ENOX1: variants seen among roughly 807,000 people sequenced by gnomAD.
ENOX1 encodes the protein ecto-NOX disulfide-thiol exchanger 1.
A neutral mutation model predicts 82.5 loss-of-function variants in ENOX1; 42 were observed. That is an observed-to-expected ratio of 0.51 (90% confidence interval 0.40 to 0.66). The LOEUF (loss-of-function observed/expected upper bound fraction) is 0.66, where lower values mean the gene tolerates loss of function less well. Ranked by LOEUF, ENOX1 falls within the 30% of genes least tolerant of loss-of-function variation. The pLI is 0.00. For missense variants in ENOX1, 608 were observed against 811.6 expected (o/e 0.75, Z 3.05); for synonymous variants, 271 against 282.2 (o/e 0.96, Z 0.40).
At chr13:43,228,937 G>A (rs965717868) in intron 15 of ENOX1, among the ~76,000 whole-genome samples, 11 of 152,222 alleles carry the variant, frequency 7.2e-5, no homozygotes, top group African/African-American at 2.2e-4. Context: ...TACACAAAGC[G>A]ATTGATGTGG....
intron 1 of ENOX1, among the ~76,000 whole-genome samples, chr13:43,698,570 A>G (rs1247046346): frequency 6.6e-6 from 1 of 152,200 alleles, no homozygotes; most frequent in Non-Finnish European, 1.5e-5. Context: ...TTAAAATACT[A>G]CAATTTTAAC....
intron 2 of ENOX1, among the ~76,000 whole-genome samples, chr13:43,655,367 G>A (rs1018658423): frequency 6.6e-6 from 1 of 151,952 alleles, no homozygotes; most frequent in African/African-American, 2.4e-5. Context: ...GTTTTTTTTG[G>A]ACTGTTAAAT....
Position 43,412,049 on chromosome 13 carries a change from G to C in ENOX1, c.75C>G (p.Ala25=), listed in dbSNP as rs758121848. The C allele has an allele frequency of 1.4e-5, 22 of 1,613,042 alleles. No individual in the cohort carries two copies. Among genetic ancestry groups the C allele is most frequent in the East Asian group, 6.7e-5 (3 of 44,866 alleles). The change falls in exon 5 of 17, where the codon GCC becomes GCG. Residue 25 remains alanine, a synonymous_variant. Coordinates refer to ENST00000690772, the MANE Select transcript of ENOX1 (RefSeq NM_001347969.2). ...CTATCGCTATACTCCCCAAACCATC[G>C]GCTGCTGTGGGGAAAAACAAACCAT... ...QELPQMMAAA[A]DGLGSIAIDT...
intron 5 of ENOX1, among the ~76,000 whole-genome samples, chr13:43,393,727 T>C (rs1341318560): frequency 6.6e-6 from 1 of 152,220 alleles, no homozygotes; most frequent in African/African-American, 2.4e-5. Flanking sequence ...ACTCTATGAA[T>C]GTAAAGAAAT....
At chr13:43,590,195 T>C (rs982615251) in intron 2 of ENOX1, among the ~76,000 whole-genome samples, 2 of 151,692 alleles carry the variant, frequency 1.3e-5, no homozygotes, top group Non-Finnish European at 2.9e-5. Flanking sequence ...AAGAAAGCTT[T>C]TGAAACAAAA....
chr13:43,553,006 G>C (rs1027154286), intron 2 of ENOX1, among the ~76,000 whole-genome samples: 1 of 152,018 alleles, frequency 6.6e-6, no homozygotes, highest in Admixed American at 6.6e-5. Flanking sequence ...TGAAGAGGAA[G>C]AGGAGGTAAT....
In ENOX1 at chr13:43,361,520, T is replaced by C. The variant is rs1594142026; in HGVS notation, c.209-68A>G. On this transcript the variant is annotated intron_variant, in intron 5 of 16. Transcript: ENST00000690772. ...CATTTTTGTTGTTGTTTTTGCCATT[T>C]TCCTGTGGATTATTTGACTTTATAC... 2.8e-6 allele frequency: 4 copies of C among 1,431,626 alleles called. No individual in the cohort carries two copies. The Middle Eastern group carries it at 7.2e-4, about 258-fold the overall frequency. 88.7% of individuals were successfully genotyped at this position (1,431,626 alleles called of 1,614,324 possible).
In ENOX1 at chr13:43,705,322, C is replaced by CTA. The variant is rs1484111358; in HGVS notation, c.-284-37779_-284-37778insTA. The stretch of plus-strand genomic sequence containing the variant: ...AAACAACAACTCTCTCTCTCTCTCT[C>CTA]TCTCTCTCTATATATATATATATTT... On this transcript the variant is annotated intron_variant, in intron 1 of 16. Transcript: ENST00000690772. Among the ~76,000 whole-genome samples the CTA allele has an allele frequency of 2.2e-4, 6 of 27,476 alleles. No homozygotes were observed. The Admixed American group carries it at 2.4e-3, about 11-fold the overall frequency. 18.0% of individuals were successfully genotyped at this position (27,476 alleles called of 152,430 possible).
chr13:43,681,686 A>AACACACACACACAC (rs3044219), intron 1 of ENOX1, among the ~76,000 whole-genome samples: 2 of 135,344 alleles, frequency 1.5e-5, no homozygotes, highest in East Asian at 2.2e-4. Flanking sequence ...ATAATGCATA[A>AACACACACACACAC]ACACACACAC....
chr13:43,225,490 G>A (rs1404181870), intron 15 of ENOX1, among the ~76,000 whole-genome samples: 1 of 152,220 alleles, frequency 6.6e-6, no homozygotes, highest in African/African-American at 2.4e-5. Flanking sequence ...AAAGTTTCAA[G>A]ATGAATTAAA....
chr13:43,682,290 G>A (rs1420112409), intron 1 of ENOX1, among the ~76,000 whole-genome samples: 2 of 152,068 alleles, frequency 1.3e-5, no homozygotes, highest in African/African-American at 2.4e-5. Flanking sequence ...TGTGACTAAA[G>A]GAAAGGTTTT....
chr13:43,641,690 G>T (rs2083662245), intron 2 of ENOX1, among the ~76,000 whole-genome samples: 1 of 151,528 alleles, frequency 6.6e-6, no homozygotes, highest in Non-Finnish European at 1.5e-5. Flanking sequence ...CCGCCACCAT[G>T]TCCGGCTAAT....
At chr13:43,513,073 C>T (rs1448847464) in intron 2 of ENOX1, among the ~76,000 whole-genome samples, 1 of 152,004 alleles carries the variant, frequency 6.6e-6, no homozygotes, top group Non-Finnish European at 1.5e-5. Context: ...CTTTGGGAGG[C>T]CAAGGCAAGC....
chr13:43,713,268 T>C (rs546114475), intron 1 of ENOX1, among the ~76,000 whole-genome samples: 62 of 152,384 alleles, frequency 4.1e-4, no homozygotes, highest in African/African-American at 1.3e-3. Flanking sequence ...GAAGCCCACT[T>C]GATCATGGTG....
chr13:43,567,390 C>A (rs367721020), intron 2 of ENOX1, among the ~76,000 whole-genome samples: 1 of 152,082 alleles, frequency 6.6e-6, no homozygotes, highest in Non-Finnish European at 1.5e-5. Context: ...CCAGTGAGTT[C>A]TATCACTCTC....
intron 1 of ENOX1, among the ~76,000 whole-genome samples, chr13:43,713,597 T>C (rs1163017349): frequency 6.6e-6 from 1 of 152,218 alleles, no homozygotes; most frequent in Non-Finnish European, 1.5e-5. Context: ...CAGAGTCTGT[T>C]ATTGGTCTAT....
intron 1 of ENOX1, among the ~76,000 whole-genome samples, chr13:43,688,852 A>G (rs140057077): frequency 1.3e-5 from 2 of 152,328 alleles, no homozygotes; most frequent in East Asian, 3.9e-4. Flanking sequence ...TGTGTCTAAT[A>G]AGCAGTTAGA....
chr13:43,454,870 C>T (rs1208696162), intron 3 of ENOX1, among the ~76,000 whole-genome samples: 1 of 151,302 alleles, frequency 6.6e-6, no homozygotes, highest in Non-Finnish European at 1.5e-5. Flanking sequence ...CACAATTAGC[C>T]CACTGGTTAG....
At chr13:43,480,846 G>A (rs957765254) in intron 3 of ENOX1, among the ~76,000 whole-genome samples, 3 of 152,102 alleles carry the variant, frequency 2.0e-5, no homozygotes, top group Non-Finnish European at 2.9e-5. Context: ...AGGAGATTGA[G>A]TCAGTAGTTA....
Sources: gnomAD v4.1 joint callset for allele counts (sites outside exome capture counted in the v4.1 genomes callset) on GRCh38, gnomAD v4.1.1 for gene constraint, MANE v1.5 for transcripts, NCBI Gene and HGNC (gene_info 2026-07-23, HGNC 2026-07-21) for gene names.